ARHGAP24: variants seen among roughly 807,000 people sequenced by gnomAD.
ARHGAP24 encodes the protein Rho GTPase activating protein 24.
In ARHGAP24, 50 loss-of-function variants were observed where a neutral mutation model predicts 76.4. The observed-to-expected ratio is 0.65, with a 90% CI of 0.52 to 0.83. The LOEUF is 0.83. Ranked by LOEUF, ARHGAP24 falls within the 40% of genes least tolerant of loss-of-function variation. The pLI is 0.00. For missense variants in ARHGAP24, 930 were observed against 914.2 expected (o/e 1.02, Z -0.22); for synonymous variants, 345 against 323.3 (o/e 1.07, Z -0.72).
chr4:85,529,333 G>A (rs912492207), intron 1 of ARHGAP24, among the ~76,000 whole-genome samples: 3 of 151,886 alleles, frequency 2.0e-5, no homozygotes, highest in African/African-American at 7.2e-5. Flanking sequence ...AATCAATTTT[G>A]CTAAATTTTG....
intron 1 of ARHGAP24, among the ~76,000 whole-genome samples, chr4:85,517,150 C>T (rs1215509472): frequency 6.6e-6 from 1 of 152,150 alleles, no homozygotes; most frequent in Non-Finnish European, 1.5e-5. Flanking sequence ...GTGTCAGTGG[C>T]TCACTGTTTT....
intron 3 of ARHGAP24, among the ~76,000 whole-genome samples, chr4:85,883,785 C>T (rs1733396164): frequency 6.6e-6 from 1 of 151,716 alleles, no homozygotes; most frequent in African/African-American, 2.4e-5. Context: ...AATTATGAAG[C>T]CATACAAACT....
At chr4:85,996,799 A>C (rs548286796) in intron 9 of ARHGAP24, among the ~76,000 whole-genome samples, 3 of 152,150 alleles carry the variant, frequency 2.0e-5, no homozygotes, top group African/African-American at 7.2e-5. Flanking sequence ...TGGAACCACT[A>C]TGTATTGGAA....
chr4:85,714,242 C>T (rs1259204608), intron 2 of ARHGAP24, among the ~76,000 whole-genome samples: 11 of 152,058 alleles, frequency 7.2e-5, no homozygotes, highest in East Asian at 1.9e-4. Flanking sequence ...AAGGATCCTC[C>T]GGTCTAAAAA....
intron 2 of ARHGAP24, among the ~76,000 whole-genome samples, chr4:85,660,817 A>AAAAAAAAAAAAC (rs1560573731): frequency 1.3e-5 from 2 of 149,842 alleles, no homozygotes; most frequent in Admixed American, 6.6e-5. Flanking sequence ...AAAAAAAAAA[A>AAAAAAAAAAAAC]TCTGTAGATG....
chr4:85,999,625 C>T (rs1353686897), intron 9 of ARHGAP24, among the ~76,000 whole-genome samples: 1 of 152,020 alleles, frequency 6.6e-6, no homozygotes, highest in African/African-American at 2.4e-5. Context: ...CAGCCGAGGC[C>T]AAGATACATC....
chr4:85,801,742 G>T (rs1056668535), intron 3 of ARHGAP24, among the ~76,000 whole-genome samples: 6 of 152,184 alleles, frequency 3.9e-5, no homozygotes, highest in Admixed American at 6.5e-5. Flanking sequence ...GATCCCCCTT[G>T]GGAAGTGAGC....
intron 1 of ARHGAP24, among the ~76,000 whole-genome samples, chr4:85,497,020 T>G (rs951507468): frequency 1.3e-5 from 2 of 152,186 alleles, no homozygotes; most frequent in African/African-American, 4.8e-5. Context: ...ATATTGGATA[T>G]TTGGCAAATG....
At chr4:85,685,974 C>T (rs1205409511) in intron 2 of ARHGAP24, among the ~76,000 whole-genome samples, 2 of 152,198 alleles carry the variant, frequency 1.3e-5, no homozygotes, top group African/African-American at 4.8e-5. Flanking sequence ...TCTAAGAGAG[C>T]TTCACTCACA....
intron 2 of ARHGAP24, among the ~76,000 whole-genome samples, chr4:85,670,238 C>A (rs985727875): frequency 3.9e-5 from 6 of 152,132 alleles, no homozygotes; most frequent in African/African-American, 9.7e-5. Flanking sequence ...GAGAAAAATT[C>A]TCTTAGGTTG....
intron 1 of ARHGAP24, among the ~76,000 whole-genome samples, chr4:85,566,838 C>T (rs1726870045): frequency 6.6e-6 from 1 of 152,160 alleles, no homozygotes; most frequent in Non-Finnish European, 1.5e-5. Context: ...ACCTGATTCA[C>T]AGGGTGATTA....
chr4:85,486,990 T>C (rs918330688), intron 1 of ARHGAP24, among the ~76,000 whole-genome samples: 13 of 151,716 alleles, frequency 8.6e-5, no homozygotes, highest in Non-Finnish European at 1.2e-4. Flanking sequence ...CAGGAGTGAC[T>C]CATCCAGGGC....
chr4:85,584,039 C>T lies in ARHGAP24; in HGVS notation c.180+13318C>T, dbSNP rs984478880. ...CATTGTGGAAGTCAGTGTGGCGATT[C>T]CTCAGGGATCTAGAACTAGAAATAC... On this transcript the variant is annotated intron_variant, in intron 2 of 9. Transcript: ENST00000395184. 1.4e-4 allele frequency among the ~76,000 whole-genome samples: 21 copies of T among 149,086 alleles called. 1 individual carries two copies. The highest frequency in any genetic ancestry group is 5.4e-4 in the African/African-American group (21 of 38,764).
chr4:85,971,885 G>T, intron 5 of ARHGAP24, 151 bp from the exon 6 acceptor site: 1 of 995,362 alleles, frequency 1.0e-6, no homozygotes. Flanking sequence ...CATCTAATAG[G>T]CATCACATAA....
At chr4:85,669,134 G>T (rs1214949983) in intron 2 of ARHGAP24, among the ~76,000 whole-genome samples, 1 of 151,930 alleles carries the variant, frequency 6.6e-6, no homozygotes, top group East Asian at 1.9e-4. Flanking sequence ...TTCATTGTTG[G>T]GTAGACAAAA....
intron 2 of ARHGAP24, among the ~76,000 whole-genome samples, chr4:85,702,491 AGT>A (rs1578153756): frequency 1.3e-5 from 2 of 152,290 alleles, no homozygotes; most frequent in East Asian, 1.9e-4. Context: ...ATTTCTTAAA[AGT>A]GTTTTTGAAA....
At chr4:85,937,162 C>A (rs1006438308) in intron 4 of ARHGAP24, among the ~76,000 whole-genome samples, 1 of 152,154 alleles carries the variant, frequency 6.6e-6, no homozygotes, top group Non-Finnish European at 1.5e-5. Flanking sequence ...TTCAAAAACT[C>A]ATGGAAGAAA....
chr4:85,876,599 G>A (rs1049035857), intron 3 of ARHGAP24, among the ~76,000 whole-genome samples: 1 of 152,092 alleles, frequency 6.6e-6, no homozygotes, highest in Non-Finnish European at 1.5e-5. Context: ...AAGTTTAGGT[G>A]CCAAGGTCAA....
At chr4:85,517,591 G>A (rs1724559539) in intron 1 of ARHGAP24, among the ~76,000 whole-genome samples, 1 of 151,978 alleles carries the variant, frequency 6.6e-6, no homozygotes, top group Non-Finnish European at 1.5e-5. Flanking sequence ...TTCTTCTTTT[G>A]TGACTTGCTT....
Sources: gnomAD v4.1 joint callset for allele counts (sites outside exome capture counted in the v4.1 genomes callset) on GRCh38, gnomAD v4.1.1 for gene constraint, MANE v1.5 for transcripts, NCBI Gene and HGNC (gene_info 2026-07-23, HGNC 2026-07-21) for gene names.